PDS5B: variants seen among roughly 807,000 people sequenced by gnomAD.
PDS5B encodes the protein sister chromatid cohesion protein PDS5 homolog B.
PDS5B carries 51 observed loss-of-function variants against 184.1 expected under a neutral mutation model. The observed-to-expected ratio is 0.28, with a 90% confidence interval of 0.22 to 0.35. The LOEUF (loss-of-function observed/expected upper bound fraction) is 0.35, where lower values mean the gene tolerates loss of function less well. PDS5B is among the 10% of genes least tolerant of loss of function. The pLI is 1.00. For missense variants in PDS5B, 1,180 were observed against 1,723.3 expected (o/e 0.68, Z 5.58); for synonymous variants, 566 against 569.2 (o/e 0.99, Z 0.08).
intron 21 of PDS5B, among the ~76,000 whole-genome samples, chr13:32,737,238 A>G (rs181059247): frequency 2.0e-5 from 3 of 152,274 alleles, no homozygotes; most frequent in South Asian, 2.1e-4. Flanking sequence ...CAGTTAAGCT[A>G]TCGTCAGATC....
chr13:32,752,450 C>G (rs1954019305), intron 24 of PDS5B, among the ~76,000 whole-genome samples: 1 of 152,088 alleles, frequency 6.6e-6, no homozygotes, highest in Non-Finnish European at 1.5e-5. Context: ...ATCTATGTGC[C>G]AGGTTTTTTG....
At chr13:32,701,203 T>C (rs1951852263) in intron 16 of PDS5B, 120 bp from the exon 17 acceptor site, 6 of 569,718 alleles carry the variant, frequency 1.1e-5, no homozygotes, top group African/African-American at 1.9e-5. Context: ...GTTCAATTCT[T>C]ACAGTTTGTT....
At chr13:32,762,680 C>G (rs543625947) in intron 30 of PDS5B, among the ~76,000 whole-genome samples, 1 of 152,112 alleles carries the variant, frequency 6.6e-6, no homozygotes, top group African/African-American at 2.4e-5. Context: ...CTTCCCCCCT[C>G]TATATTTTTT....
chr13:32,646,005 G>A (rs1950212935), intron 1 of PDS5B, among the ~76,000 whole-genome samples: 1 of 151,550 alleles, frequency 6.6e-6, no homozygotes, highest in African/African-American at 2.4e-5. Flanking sequence ...TGTGTGGTGT[G>A]TGGTGTGTGG....
chr13:32,673,177 G>T (rs1950981007), intron 7 of PDS5B, 39 bp from the exon 8 acceptor site: 1 of 1,573,120 alleles, frequency 6.4e-7, no homozygotes, highest in Non-Finnish European at 8.7e-7. Flanking sequence ...CTTGTCTCTG[G>T]TTTTTCTACT....
intron 9 of PDS5B, among the ~76,000 whole-genome samples, chr13:32,676,764 T>C (rs1053121717): frequency 7.9e-5 from 12 of 151,768 alleles, no homozygotes; most frequent in Non-Finnish European, 1.6e-4. Flanking sequence ...ACCCAGTCTC[T>C]ATTAAAAATA....
At chr13:32,600,333 C>T (rs2057953681) in intron 1 of PDS5B, among the ~76,000 whole-genome samples, 1 of 152,100 alleles carries the variant, frequency 6.6e-6, no homozygotes, top group Admixed American at 6.6e-5. Context: ...GGATATGATA[C>T]ATCATATCTC....
At chr13:32,615,059 T>A (rs1037613619) in intron 1 of PDS5B, among the ~76,000 whole-genome samples, 5 of 152,200 alleles carry the variant, frequency 3.3e-5, no homozygotes, top group Admixed American at 3.3e-4. Flanking sequence ...AGAGACAACA[T>A]CACCGACACC....
chr13:32,755,764 C>T, intron 25 of PDS5B, 78 bp from the exon 26 acceptor site: 1 of 656,502 alleles, frequency 1.5e-6, no homozygotes, highest in Non-Finnish European at 2.6e-6. Flanking sequence ...GGTTTTCTAA[C>T]CTGGATATTT....
At chr13:32,724,383 T>C (rs889607822) in intron 19 of PDS5B, among the ~76,000 whole-genome samples, 1 of 152,182 alleles carries the variant, frequency 6.6e-6, no homozygotes, top group African/African-American at 2.4e-5. Flanking sequence ...AATTGTTTGT[T>C]TGATTCAGGA....
intron 2 of PDS5B, among the ~76,000 whole-genome samples, chr13:32,651,213 A>G (rs1481967385): frequency 6.6e-6 from 1 of 152,220 alleles, no homozygotes; most frequent in African/African-American, 2.4e-5. Flanking sequence ...AATTATCCAC[A>G]TCATATTCTC....
chr13:32,746,014 A>G lies in PDS5B; in HGVS notation c.2650A>G (p.Ser884Gly). ...GTCACGTCTGAGACTTGCTGCTGGG[A>G]GTGCTATTGTGAAGCTGGCACAAGA... ...DMSRLRLAAG[S>G]AIVKLAQEPC... Residue 884 changes from serine to glycine, a missense_variant, in exon 24 of 35, where the codon AGT (serine) becomes GGT (glycine). Around this residue, in one of 11 missense-constraint regions of PDS5B, gnomAD observed 40 missense variants for 107.2 expected, o/e 0.37. Coordinates refer to ENST00000315596, the MANE Select transcript of PDS5B (RefSeq NM_015032.4). 6.2e-7 allele frequency: 1 copy of G among 1,612,776 alleles called. No individual in the cohort carries two copies. Among genetic ancestry groups the G allele is most frequent in the Non-Finnish European group, 8.5e-7 (1 of 1,178,782 alleles).
chr13:32,699,926 C>T, intron 16 of PDS5B, 57 bp downstream of exon 16: 1 of 1,456,644 alleles, frequency 6.9e-7, no homozygotes, highest in Non-Finnish European at 9.1e-7. Flanking sequence ...TTTATTGTTT[C>T]TCTCTTTTAT....
chr13:32,694,531 G>T (rs770018730), intron 14 of PDS5B, among the ~76,000 whole-genome samples: 16 of 151,626 alleles, frequency 1.1e-4, no homozygotes, highest in Non-Finnish European at 1.3e-4. Context: ...AGAGAGTGTG[G>T]GTCTGTGTAC....
chr13:32,734,230 TTG>T (rs143922326), intron 20 of PDS5B, among the ~76,000 whole-genome samples: 48,161 of 151,612 alleles, frequency 0.32, 9,229 homozygotes, highest in Non-Finnish European at 0.44. Context: ...TTCCACCATG[TTG>T]GCCTGGCTGG....
chr13:32,733,964 C>A, intron 20 of PDS5B, among the ~76,000 whole-genome samples: 1 of 132,198 alleles, frequency 7.6e-6, no homozygotes, highest in Admixed American at 7.4e-5. Context: ...TTTTAGTCAC[C>A]CTTCTGATTT....
In PDS5B at chr13:32,707,753, A is replaced by G. The variant is rs1256090226; in HGVS notation, c.1962+714A>G. On this transcript the variant is annotated intron_variant, in intron 18 of 34. Transcript: ENST00000315596. ...TCTTGCAAAGGACGTTAAAGCTTGTACATGAATTTCTTAGCACCATGCCTA... is the reference window on the plus strand; with the variant it reads ...TCTTGCAAAGGACGTTAAAGCTTGTGCATGAATTTCTTAGCACCATGCCTA... Among the ~76,000 whole-genome samples the G allele has an allele frequency of 2.0e-5, 3 of 150,572 alleles. No individual in the cohort carries two copies. The East Asian group carries it at 5.8e-4, about 29-fold the overall frequency.
rs373003953 is a variant in PDS5B at position 32,775,095 on chromosome 13, A to ATATTTT, written c.*44_*45insATTTTT. On this transcript the variant is annotated 3_prime_UTR_variant, in exon 35 of 35. Coordinates refer to ENST00000315596, the MANE Select transcript of PDS5B (RefSeq NM_015032.4). Reference sequence around the variant, plus strand: ...CTTTCTCTGTGAAAGCTTTGGAAAAATCTTTTTTTTTTTTTTTGGTCAAGC... The same window carrying ATATTTT: ...CTTTCTCTGTGAAAGCTTTGGAAAAATATTTTTCTTTTTTTTTTTTTTTGGTCAAGC... The ATATTTT allele has an allele frequency of 3.2e-3, 1,725 of 545,368 alleles. No individual in the cohort carries two copies. The highest frequency in any genetic ancestry group is 3.9e-3 in the Non-Finnish European group (1,508 of 386,702). The allele number at this position is 545,368 out of a possible 1,614,324, so 33.8% of individuals were successfully genotyped here.
intron 12 of PDS5B, among the ~76,000 whole-genome samples, chr13:32,688,167 A>C (rs1207151002): frequency 6.8e-6 from 1 of 147,980 alleles, no homozygotes; most frequent in Admixed American, 6.8e-5. Context: ...ATATTTTAAA[A>C]CTCTGTATTA....
Sources: allele counts gnomAD v4.1 joint callset (sites outside exome capture counted in the v4.1 genomes callset), GRCh38; gene constraint gnomAD v4.1.1; regional missense constraint gnomAD v4.1.1; transcripts MANE v1.5; gene names NCBI Gene and HGNC (gene_info 2026-07-23, HGNC 2026-07-21).